Variants in CNIH3 observed in about 807,000 individuals in gnomAD.
CNIH3 encodes cornichon family AMPA receptor auxiliary protein 3.
A neutral mutation model predicts 24.1 loss-of-function variants in CNIH3; 14 were observed. The observed-to-expected ratio is 0.58, with a 90% CI of 0.38 to 0.91. CNIH3 has a LOEUF of 0.91. Ranked by LOEUF, CNIH3 falls within the 40% of genes least tolerant of loss-of-function variation. The pLI is 0.00. For synonymous variants in CNIH3, 68 were observed against 73.8 expected (o/e 0.92, Z 0.40); for missense variants, 178 against 196.8 (o/e 0.90, Z 0.57).
intron 2 of CNIH3, among the ~76,000 whole-genome samples, chr1:224,681,464 C>A (rs1362545941): frequency 1.3e-5 from 2 of 152,190 alleles, no homozygotes; most frequent in African/African-American, 4.8e-5. Flanking sequence ...CTGGCGCCAT[C>A]CATCACCCAG....
At chr1:224,546,513 G>T (rs1387435341) in intron 2 of CNIH3, among the ~76,000 whole-genome samples, 1 of 152,172 alleles carries the variant, frequency 6.6e-6, no homozygotes, top group Non-Finnish European at 1.5e-5. Context: ...GGGGAAATTA[G>T]GAGGAGAGGT....
intron 1 of CNIH3, among the ~76,000 whole-genome samples, chr1:224,623,732 T>G (rs1683392300): frequency 6.6e-6 from 1 of 152,074 alleles, no homozygotes; most frequent in South Asian, 2.1e-4. Context: ...AGCAGCAGAG[T>G]CTGTCCCTCA....
intron 2 of CNIH3, among the ~76,000 whole-genome samples, chr1:224,530,744 C>T (rs755947503): frequency 7.2e-5 from 11 of 152,038 alleles, no homozygotes; most frequent in African/African-American, 1.7e-4. Context: ...GGATTACAGG[C>T]GCCTGCCACC....
chr1:224,512,847 G>A (rs186976675), upstream of CNIH3, among the ~76,000 whole-genome samples: 15 of 152,254 alleles, frequency 9.9e-5, no homozygotes, highest in Middle Eastern at 3.4e-3. Context: ...GGGGAACTAA[G>A]CTAAAAATGA....
At chr1:224,498,234 C>A (rs564500513) in intron 1 of CNIH3, among the ~76,000 whole-genome samples, 1 of 152,292 alleles carries the variant, frequency 6.6e-6, no homozygotes, top group Admixed American at 6.5e-5. Context: ...GCTTCAGTTT[C>A]TTGCTCTCTT....
intron 1 of CNIH3, among the ~76,000 whole-genome samples, chr1:224,508,361 G>A (rs1263643571): frequency 6.6e-6 from 1 of 152,188 alleles, no homozygotes; most frequent in East Asian, 1.9e-4. Context: ...TCCCAGTAAA[G>A]ACAGAAATAT....
intron 1 of CNIH3, chr1:224,454,297 C>A: frequency 1.1e-6 from 1 of 905,796 alleles, no homozygotes; most frequent in Non-Finnish European, 1.3e-6. Context: ...TCTAGCTGTC[C>A]TTCCACTCTA....
In CNIH3 at chr1:224,737,609, G is replaced by A. The variant is rs892624552; in HGVS notation, c.456-1720G>A. 6.6e-5 allele frequency among the ~76,000 whole-genome samples: 10 copies of A among 152,242 alleles called. 1 individual carries two copies. In the East Asian group the frequency reaches 1.9e-3, roughly 29 times the overall value. ...CCGTGGGAGGGAGGGAAGGGGACTCGTGTATGCAGAGCCATGTCTGAACTG... is the reference window on the plus strand; with the variant it reads ...CCGTGGGAGGGAGGGAAGGGGACTCATGTATGCAGAGCCATGTCTGAACTG... On this transcript the variant is annotated intron_variant, in intron 5 of 5. Transcript: ENST00000272133.
chr1:224,458,161 G>A lies in CNIH3; in HGVS notation n.203+23299G>A, dbSNP rs140038453. Among the ~76,000 whole-genome samples, 5 of 152,308 alleles carry A rather than the reference G, an allele frequency of 3.3e-5. No homozygotes were observed. Among genetic ancestry groups the A allele is most frequent in the Admixed American group, 2.0e-4 (3 of 15,310 alleles). ...ATGTATTAAGGAGTGACGTACGGCT[G>A]GATTCACTCTGATCTCATTCACTGA... On this transcript the variant is annotated intron_variant and non_coding_transcript_variant, in intron 1 of 5. Coordinates refer to the CNIH3 transcript ENST00000471578. The surrounding 1 kb of genome is among the most constrained non-coding windows in gnomAD (Gnocchi z 4.3).
At chr1:224,467,171 G>A (rs932659763) in intron 1 of CNIH3, among the ~76,000 whole-genome samples, 1 of 152,122 alleles carries the variant, frequency 6.6e-6, no homozygotes, top group Non-Finnish European at 1.5e-5. Flanking sequence ...GACTACAGGT[G>A]TGTGCCACCA....
intron 3 of CNIH3, among the ~76,000 whole-genome samples, chr1:224,597,111 C>T (rs1336865892): frequency 6.6e-6 from 1 of 151,882 alleles, no homozygotes; most frequent in Non-Finnish European, 1.5e-5. Context: ...GAGACTGCAC[C>T]ATTGCACTCC....
At chr1:224,625,178 A>G (rs1044180726) in intron 1 of CNIH3, among the ~76,000 whole-genome samples, 2 of 152,218 alleles carry the variant, frequency 1.3e-5, no homozygotes, top group Admixed American at 6.5e-5. Context: ...CAGCCAGCTT[A>G]AGCTTGATAG....
At chr1:224,510,931 C>CGG (rs1678126282), upstream of CNIH3, among the ~76,000 whole-genome samples, 1 of 152,200 alleles carries the variant, frequency 6.6e-6, no homozygotes, top group Admixed American at 6.5e-5. Context: ...TTTCATTCCA[C>CGG]CACAGGCCAG....
At chr1:224,499,387 G>T (rs934805899) in intron 1 of CNIH3, among the ~76,000 whole-genome samples, 1 of 152,154 alleles carries the variant, frequency 6.6e-6, no homozygotes, top group Non-Finnish European at 1.5e-5. Context: ...TCCAGGCCAT[G>T]TGGACATCTG....
At chr1:224,589,119 C>T (rs149757546), downstream of CNIH3, among the ~76,000 whole-genome samples, 185 of 152,152 alleles carry the variant, frequency 1.2e-3, no homozygotes, top group Non-Finnish European at 2.2e-3. Context: ...CTGCAATGCG[C>T]GAGTTGAAAC....
Position 224,458,315 on chromosome 1 carries a change from ATT to A in CNIH3, n.203+23454_203+23455del, listed in dbSNP as rs1675763130. Among the ~76,000 whole-genome samples, 2 of 152,282 alleles carry A rather than the reference ATT, an allele frequency of 1.3e-5. No homozygotes were observed. The highest frequency in any genetic ancestry group is 4.1e-4 in the South Asian group (2 of 4,826). On this transcript the variant is annotated intron_variant and non_coding_transcript_variant, in intron 1 of 5. Coordinates refer to the CNIH3 transcript ENST00000471578. This position sits in a 1 kb window ranked among gnomAD's most constrained non-coding sequence, Gnocchi z 4.3. ...GGGAAGGCAGCAGTGCTCTGTCAGT[ATT>A]GATTCTTCAGGGGCAGGCTGCCCAC...
chr1:224,516,364 AT>A (rs1381491993), intron 1 of CNIH3, among the ~76,000 whole-genome samples: 4 of 149,646 alleles, frequency 2.7e-5, no homozygotes, highest in African/African-American at 9.9e-5. Flanking sequence ...GGCTTGGCAC[AT>A]AAAGCCCTTC....
chr1:224,526,572 C>T (rs922638904), intron 2 of CNIH3, among the ~76,000 whole-genome samples: 2 of 152,062 alleles, frequency 1.3e-5, no homozygotes, highest in African/African-American at 4.8e-5. Context: ...TTATTTTTTG[C>T]AATGCAGCAT....
intron 4 of CNIH3, among the ~76,000 whole-genome samples, chr1:224,579,671 GA>G (rs1040663823): frequency 2.0e-5 from 3 of 152,178 alleles, no homozygotes; most frequent in Non-Finnish European, 4.4e-5. Context: ...CTCAGGAAGG[GA>G]TTGGTGTCGT....
Sources: allele counts gnomAD v4.1 joint callset (sites outside exome capture counted in the v4.1 genomes callset), GRCh38; gene constraint gnomAD v4.1.1; non-coding constraint Gnocchi (gnomAD v3.1); transcripts MANE v1.5; gene names NCBI Gene and HGNC (gene_info 2026-07-23, HGNC 2026-07-21).